The following ZNF705G variants were observed in gnomAD, a reference collection of about 807,000 sequenced individuals.
The protein encoded by ZNF705G is putative zinc finger protein 705G.
In ZNF705G, 23 loss-of-function variants were observed where a neutral mutation model predicts 19.6. The observed-to-expected ratio is 1.17, with a 90% CI of 0.84 to 1.66. The LOEUF (loss-of-function observed/expected upper bound fraction) is 1.66. Among genes scored for constraint, ZNF705G ranks in the 40% most tolerant of loss-of-function variants. The pLI, the probability that ZNF705G is intolerant of heterozygous loss-of-function variation, is 0.00. For missense variants in ZNF705G, 457 were observed against 354.4 expected, an observed-to-expected ratio of 1.29 and a Z score of -2.32; for synonymous variants, 146 against 117.7, an observed-to-expected ratio of 1.24 and a Z score of -1.56.
intron 1 of ZNF705G, among the ~76,000 whole-genome samples, chr8:7,381,821 C>G (rs1445025009): frequency 1.3e-5 from 2 of 149,286 alleles, no homozygotes; most frequent in Admixed American, 1.3e-4. Flanking sequence ...GATCCATACT[C>G]CAAACCACCA....
rs181132004 is a variant in ZNF705G at position 7,369,652 on chromosome 8, G to A, written c.-71-6635C>T. ...GCAAAGACATGGAATCAACCTAGATGCCCATCAATGTTACAGTGGATAGAG... is the reference window on the plus strand; with the variant it reads ...GCAAAGACATGGAATCAACCTAGATACCCATCAATGTTACAGTGGATAGAG... On this transcript the variant is annotated intron_variant, in intron 2 of 6. Transcript: ENST00000400156. Among the ~76,000 whole-genome samples, 206 of 149,758 alleles carry A rather than the reference G, an allele frequency of 1.4e-3. 29 individuals carry two copies. The highest frequency in any genetic ancestry group is 5.2e-3 in the African/African-American group (202 of 39,156).
Position 7,356,153 on chromosome 8 carries a change from T to A in ZNF705G, c.*1823A>T, listed in dbSNP as rs1367829179. On this transcript the variant is annotated 3_prime_UTR_variant, in exon 7 of 7. Transcript: ENST00000400156. ...TGAGGACAAGGCAGAGGAGGGCCCCTCTGTGAGAACTTTCATTTTGCTTCA... is the reference window on the plus strand; with the variant it reads ...TGAGGACAAGGCAGAGGAGGGCCCCACTGTGAGAACTTTCATTTTGCTTCA... 2 of 149,376 alleles carry A rather than the reference T, an allele frequency of 1.3e-5. No homozygotes were observed. Among genetic ancestry groups the A allele is most frequent in the Non-Finnish European group, 2.9e-5 (2 of 68,046 alleles). The allele number at this position is 149,376 out of a possible 1,614,324, so 9.3% of individuals were successfully genotyped here.
chr8:7,384,961 T>C (rs1482751179), intron 1 of ZNF705G, among the ~76,000 whole-genome samples: 2 of 146,064 alleles, frequency 1.4e-5, no homozygotes, highest in Non-Finnish European at 2.9e-5. Flanking sequence ...GAGCTGGGAT[T>C]TGAACTATCC....
intron 2 of ZNF705G, among the ~76,000 whole-genome samples, chr8:7,370,100 G>A (rs1298093763): frequency 8.2e-5 from 12 of 147,120 alleles, no homozygotes; most frequent in South Asian, 2.1e-4. Flanking sequence ...TGTCTCCACT[G>A]GAAAAAAAAA....
At position 7,360,314 on chromosome 8, in the gene ZNF705G, G is replaced by T. The variant is rs759294764; in HGVS notation, c.158C>A (p.Ser53Tyr). The change falls in exon 5 of 7, where the codon TCC becomes TAC. Residue 53 changes from serine to tyrosine, a missense_variant. Transcript: ENST00000400156. ...LVSLGYQISK[S>Y]YIILQLEQGK... ...TTGCTCCAGCTGCAAAATTATATAG[G>T]ATTTGCTTATCTGGTACCCTGTTAG... 2 of 1,589,810 alleles carry T rather than the reference G, an allele frequency of 1.3e-6. No individual in the cohort carries two copies. The highest frequency in any genetic ancestry group is 2.9e-5 in the African/African-American group (2 of 69,048).
Position 7,380,206 on chromosome 8 carries a change from C to A in ZNF705G, c.-72+1246G>T, listed in dbSNP as rs1172989581. 4.2e-5 allele frequency among the ~76,000 whole-genome samples: 6 copies of A among 143,370 alleles called. 1 individual carries two copies. The highest frequency in any genetic ancestry group is 1.8e-4 in the African/African-American group (6 of 33,614). The allele number at this position is 143,370 out of a possible 152,430, so 94.1% of individuals were successfully genotyped here. On this transcript the variant is annotated intron_variant, in intron 2 of 6. Coordinates refer to ENST00000400156, the MANE Select transcript of ZNF705G (RefSeq NM_001164457.3). ...CCCCCAGGAGCAGGGCCACTGCACA[C>A]CTGCAGGCATCCTCAGGGGACCTGG...
chr8:7,365,488 C>G (rs1247326243), intron 2 of ZNF705G, among the ~76,000 whole-genome samples: 1 of 148,112 alleles, frequency 6.8e-6, no homozygotes, highest in Non-Finnish European at 1.5e-5. Context: ...AAGCAATTCT[C>G]CAGCCTCAGC....
rs1210431150 is a variant in ZNF705G, at chr8:7,385,429, C to T, written c.-222+69G>A. On this transcript the variant is annotated intron_variant, in intron 1 of 6. Coordinates refer to ENST00000400156, the MANE Select transcript of ZNF705G (RefSeq NM_001164457.3). ...ACATTCCTGTCTCCTACACTTACAC[C>T]CTGAAAGCAAGCCTCTTTATTGCCT... 2 of 149,074 alleles carry T rather than the reference C, an allele frequency of 1.3e-5. 1 individual carries two copies. The highest frequency in any genetic ancestry group is 5.2e-5 in the African/African-American group (2 of 38,572). The allele number at this position is 149,074 out of a possible 1,614,324, so 9.2% of individuals were successfully genotyped here. A position where few individuals can be genotyped will look rare whatever the true frequency, so the allele number is the denominator to read the frequency against.
At chr8:7,379,299 C>G (rs1273472878) in intron 2 of ZNF705G, among the ~76,000 whole-genome samples, 1 of 147,452 alleles carries the variant, frequency 6.8e-6, no homozygotes, top group Non-Finnish European at 1.5e-5. Context: ...AAGTTTTCCT[C>G]AGTGCACTCT....
chr8:7,377,953 CAAAAAAAAA>C (rs1175739210), intron 2 of ZNF705G, among the ~76,000 whole-genome samples: 2 of 53,088 alleles, frequency 3.8e-5, no homozygotes, highest in East Asian at 5.7e-4. Flanking sequence ...GACACTGTCT[CAAAAAAAAA>C]AAAAAAAAAA....
intron 2 of ZNF705G, among the ~76,000 whole-genome samples, chr8:7,364,634 C>T (rs1222437218): frequency 6.7e-6 from 1 of 149,630 alleles, no homozygotes; most frequent in African/African-American, 2.6e-5. Context: ...TCTGGGGACT[C>T]CAGTATTTAG....
rs1373449468 is a variant in ZNF705G at position 7,358,841 on chromosome 8, G to A, written c.319-281C>T. ...AAGCTACACGCCTCCCCCATATTTT[G>A]CCCATGAGGAAATTCCTCATGAGCT... is the stretch of plus-strand genomic sequence containing the variant. On this transcript the variant is annotated intron_variant, in intron 6 of 6. Transcript: ENST00000400156. 3.5e-4 allele frequency among the ~76,000 whole-genome samples: 52 copies of A among 149,226 alleles called. 4 individuals are homozygous for A. The highest frequency in any genetic ancestry group is 1.3e-3 in the African/African-American group (50 of 38,700).
At position 7,358,057 on chromosome 8, in the gene ZNF705G, G is replaced by C. The variant is rs769591280; in HGVS notation, c.822C>G (p.Asn274Lys). Residue 274 changes from asparagine (N) to lysine (K), a missense_variant, in exon 7 of 7, where the codon AAC becomes AAG. Coordinates refer to ENST00000400156, the MANE Select transcript of ZNF705G (RefSeq NM_001164457.3). Reference sequence around the variant, plus strand: ...GTTTCTCTCCAGTGTGAATTATTTTGTTTCCTCTAAAGCCAGAGCTTTGAC... The same window carrying C: ...GTTTCTCTCCAGTGTGAATTATTTTCTTTCCTCTAAAGCCAGAGCTTTGAC... ...AFSQSSGFRG[N>K]KIIHTGEKPH... 1.4e-5 allele frequency: 22 copies of C among 1,608,334 alleles called. No homozygotes were observed. The highest frequency in any genetic ancestry group is 2.2e-5 in the East Asian group (1 of 44,866).
At chr8:7,378,893 C>T (rs1807360254) in intron 2 of ZNF705G, among the ~76,000 whole-genome samples, 1 of 147,194 alleles carries the variant, frequency 6.8e-6, no homozygotes. Context: ...GGCACATTCA[C>T]AGGACCCAGG....
At chr8:7,364,928 C>G (rs1179627115) in intron 2 of ZNF705G, among the ~76,000 whole-genome samples, 1 of 149,524 alleles carries the variant, frequency 6.7e-6, no homozygotes, top group Non-Finnish European at 1.5e-5. Flanking sequence ...GTGAAACCAG[C>G]TGTAACCCTT....
At chr8:7,369,406 G>A (rs1340132677) in intron 2 of ZNF705G, among the ~76,000 whole-genome samples, 4 of 149,428 alleles carry the variant, frequency 2.7e-5, no homozygotes, top group Admixed American at 2.0e-4. Flanking sequence ...CCACACTGGG[G>A]CACTGCCTAG....
intron 2 of ZNF705G, among the ~76,000 whole-genome samples, chr8:7,365,345 C>A (rs1400247617): frequency 6.8e-6 from 1 of 147,266 alleles, no homozygotes. Context: ...GCCTGCACAG[C>A]TTAGTATCTC....
intron 1 of ZNF705G, among the ~76,000 whole-genome samples, chr8:7,382,177 A>C (rs1394365852): frequency 6.6e-6 from 1 of 150,684 alleles, no homozygotes; most frequent in Non-Finnish European, 1.5e-5. Context: ...TCACTGCAAA[A>C]TTTAAAAAGA....
Position 7,356,734 on chromosome 8 carries a change from C to A in ZNF705G, c.*1242G>T, listed in dbSNP as rs867108507. 4.7e-5 allele frequency: 7 copies of A among 149,702 alleles called. No individual in the cohort carries two copies. The highest frequency in any genetic ancestry group is 8.8e-5 in the Non-Finnish European group (6 of 68,048). 9.3% of individuals were successfully genotyped at this position (149,702 alleles called of 1,614,324 possible). A position where few individuals can be genotyped will look rare whatever the true frequency, so the allele number is the denominator to read the frequency against. The stretch of plus-strand genomic sequence containing the variant: ...GACCAAGAATCTCACCCAAGGAGTG[C>A]AGGTGCAAATCCATTTGTTAGGGCC... On this transcript the variant is annotated 3_prime_UTR_variant, in exon 7 of 7. Coordinates refer to ENST00000400156, the MANE Select transcript of ZNF705G (RefSeq NM_001164457.3).
Sources: gnomAD v4.1 joint callset for allele counts (sites outside exome capture counted in the v4.1 genomes callset) on GRCh38, gnomAD v4.1.1 for gene constraint, MANE v1.5 for transcripts, NCBI Gene and HGNC (gene_info 2026-07-23, HGNC 2026-07-21) for gene names.